The following ATXN2L variants were observed in gnomAD, a reference collection of about 807,000 sequenced individuals.
ATXN2L encodes ataxin-2-like protein.
In ATXN2L, 24 loss-of-function variants were observed where a neutral mutation model predicts 120.7. That is an observed-to-expected ratio of 0.20 (90% CI 0.14 to 0.28). The LOEUF is 0.28. Among genes scored for constraint, ATXN2L ranks in the 10% least tolerant of loss-of-function variants. ATXN2L has a pLI of 1.00. For missense variants in ATXN2L, 1,312 were observed against 1,432.3 expected, an observed-to-expected ratio of 0.92 and a Z score of 1.36; for synonymous variants, 653 against 568.1, an observed-to-expected ratio of 1.15 and a Z score of -2.13.
At position 28,836,634 on chromosome 16, in the gene ATXN2L, ACACACCCC is replaced by A; in HGVS notation, c.*373_*380del. ...CCTTGAGGAGGCCGCTCCTTCCCAG[ACACACCCC>A]CACGCCCCCACTGGACGGCATTGGA... On this transcript the variant is annotated 3_prime_UTR_variant, in exon 22 of 22. Coordinates refer to ENST00000336783, the MANE Select transcript of ATXN2L (RefSeq NM_007245.4). 6.2e-6 allele frequency: 10 copies of A among 1,607,012 alleles called. No individual in the cohort carries two copies. Among genetic ancestry groups the A allele is most frequent in the Middle Eastern group, 3.3e-4 (2 of 6,030 alleles).
Position 28,835,739 on chromosome 16 carries a change from A to G in ATXN2L, c.2876A>G (p.Asn959Ser), listed in dbSNP as rs772679258. ...HHQQLPHGFT[N>S]MAHVTQAHVQ... The stretch of plus-strand genomic sequence containing the variant: ...CAGCAGCTGCCCCACGGCTTCACCA[A>G]CATGGCCCATGTTACCCAGGTAAGA... Residue 959 changes from asparagine (N) to serine (S), a missense_variant, in exon 21 of 22, where the codon AAC (asparagine) becomes AGC (serine). Transcript: ENST00000336783. The G allele has an allele frequency of 2.6e-5, 42 of 1,613,962 alleles. No homozygotes were observed. The highest frequency in any genetic ancestry group is 3.1e-5 in the Non-Finnish European group (37 of 1,179,986).
intron 15 of ATXN2L, 41 bp downstream of exon 15, chr16:28,833,549 G>A (rs1317003414): frequency 1.9e-6 from 3 of 1,599,230 alleles, no homozygotes; most frequent in Non-Finnish European, 2.6e-6. Context: ...GTTTCTGTGG[G>A]GAGACTTGGG....
chr16:28,828,908 T>C (rs1053321516), intron 6 of ATXN2L, among the ~76,000 whole-genome samples: 9 of 152,144 alleles, frequency 5.9e-5, no homozygotes, highest in African/African-American at 1.7e-4. Flanking sequence ...CACGGATGGC[T>C]AATTTTTTAT....
Position 28,833,343 on chromosome 16 carries a change from C to T in ATXN2L, c.1944C>T (p.Gly648=). The T allele has an allele frequency of 6.2e-7, 1 of 1,613,096 alleles. No individual in the cohort carries two copies. Among genetic ancestry groups the T allele is most frequent in the Non-Finnish European group, 8.5e-7 (1 of 1,179,228 alleles). ...TCAAGGGAGAAGACAAAGATGAGGG[C>T]CCTGTTGCTGAGTGAGTGGAGCGGG... ...GLIKGEDKDE[G]PVAEQVKKST... is the part of the protein sequence containing the mutation. Residue 648 remains glycine, a synonymous_variant, in exon 14 of 22, where the codon GGC becomes GGT. Coordinates refer to ENST00000336783, the MANE Select transcript of ATXN2L (RefSeq NM_007245.4).
In ATXN2L at chr16:28,832,561, G is replaced by A. The variant is rs1215911951; in HGVS notation, c.1582G>A (p.Gly528Arg). 3 of 1,614,138 alleles carry A rather than the reference G, an allele frequency of 1.9e-6. No individual in the cohort carries two copies. The highest frequency in any genetic ancestry group is 2.2e-5 in the South Asian group (2 of 91,074). ...LEPQELARIA[G>R]KVPGLQNEQK... ...GCCCCAGGAGCTGGCTCGGATAGCT[G>A]GGAAAGGTGAGGGTGGTTTTTTTTC... is the stretch of plus-strand genomic sequence containing the variant. Residue 528 changes from glycine to arginine, a missense_variant, in exon 12 of 22, where the codon GGG becomes AGG. Transcript: ENST00000336783.
Position 28,836,506 on chromosome 16 carries a change from A to G in ATXN2L, c.*241A>G. ...CCGAGGTAAGGTCAGTGCAGCAGAC[A>G]GGGCCAGACTGGGGTGTGGGGGGCT... On this transcript the variant is annotated 3_prime_UTR_variant, in exon 22 of 22. Transcript: ENST00000336783. The G allele has an allele frequency of 1.9e-6, 3 of 1,603,900 alleles. No homozygotes were observed. The highest frequency in any genetic ancestry group is 2.6e-6 in the Non-Finnish European group (3 of 1,175,294).
intron 4 of ATXN2L, 25 bp from the exon 5 acceptor site, chr16:28,826,215 G>T: frequency 6.2e-7 from 1 of 1,612,410 alleles, no homozygotes; most frequent in Non-Finnish European, 8.5e-7. Context: ...CTGACCCATG[G>T]GTGTGGGGAA....
chr16:28,835,683 C>A lies in ATXN2L; in HGVS notation c.2820C>A (p.Pro940=). Residue 940 remains proline, a synonymous_variant, in exon 21 of 22, where the codon CCC becomes CCA. Transcript: ENST00000336783. ...CCCAGTCCCCTCAGAGCAGCTTCCC[C>A]CAGCCAGCCGCTGTGTATGCCATCC... ...PSAQSPQSSF[P]QPAAVYAIHH... The A allele has an allele frequency of 6.2e-7, 1 of 1,614,110 alleles. No individual in the cohort carries two copies. The highest frequency in any genetic ancestry group is 8.5e-7 in the Non-Finnish European group (1 of 1,179,994).
At chr16:28,832,439 G>C in intron 11 of ATXN2L, 40 bp downstream of exon 11, 1 of 1,612,036 alleles carries the variant, frequency 6.2e-7, no homozygotes, top group Non-Finnish European at 8.5e-7. Flanking sequence ...TGCATATTTA[G>C]TGTGATTTGT....
chr16:28,829,761 G>T, intron 7 of ATXN2L, 97 bp from the exon 8 acceptor site: 2 of 1,304,654 alleles, frequency 1.5e-6, no homozygotes, highest in South Asian at 1.2e-5. Flanking sequence ...ATACTTCCAT[G>T]CCTGAACTGG....
At position 28,829,853 on chromosome 16, in the gene ATXN2L, C is replaced by T; in HGVS notation, c.834-5C>T. On this transcript the variant is annotated splice_polypyrimidine_tract_variant and splice_region_variant and intron_variant, in intron 7 of 21. Coordinates refer to ENST00000336783, the MANE Select transcript of ATXN2L (RefSeq NM_007245.4). ...GATGGTGGTGGTCTGTGGGTGCTGT[C>T]TCAGGGTGCCCTTAGAAAAGGACAA... 6.2e-7 allele frequency: 1 copy of T among 1,614,140 alleles called. No homozygotes were observed. Among genetic ancestry groups the T allele is most frequent in the South Asian group, 1.1e-5 (1 of 91,074 alleles).
intron 1 of ATXN2L, chr16:28,824,469 C>G: frequency 1.6e-6 from 2 of 1,288,036 alleles, no homozygotes; most frequent in Non-Finnish European, 2.0e-6. Context: ...CAGCGGCCCC[C>G]TCTTCGCCCT....
intron 7 of ATXN2L, 159 bp downstream of exon 7, chr16:28,829,651 G>A: frequency 1.3e-6 from 1 of 765,236 alleles, no homozygotes; most frequent in South Asian, 1.8e-5. Context: ...TTCCCTCAAA[G>A]GTTTTAAGCG....
At chr16:28,834,817 G>C in intron 18 of ATXN2L, 124 bp downstream of exon 18, 1 of 1,266,458 alleles carries the variant, frequency 7.9e-7, no homozygotes, top group South Asian at 1.5e-5. Context: ...GCCCTCTGTG[G>C]TATTGGCGGT....
At chr16:28,830,515 T>A in intron 8 of ATXN2L, 100 bp from the exon 9 acceptor site, 1 of 1,181,146 alleles carries the variant, frequency 8.5e-7, no homozygotes, top group Non-Finnish European at 1.2e-6. Context: ...TGTGTGTATG[T>A]TTGGGGGCAG....
intron 15 of ATXN2L, 46 bp from the exon 16 acceptor site, chr16:28,834,019 T>C (rs780516057): frequency 5.0e-6 from 8 of 1,596,210 alleles, no homozygotes. Context: ...TGGCCAGGAG[T>C]AGAGGGGAAA....
chr16:28,828,056 AAT>A (rs1362748922), intron 6 of ATXN2L, among the ~76,000 whole-genome samples: 2 of 152,222 alleles, frequency 1.3e-5, no homozygotes. Context: ...GCTGTTTTCA[AAT>A]ATACACACAC....
At chr16:28,826,192 A>T in intron 4 of ATXN2L, 48 bp from the exon 5 acceptor site, 1 of 1,601,030 alleles carries the variant, frequency 6.2e-7, no homozygotes, top group African/African-American at 1.3e-5. Flanking sequence ...TTTTGCCTTC[A>T]CTTTTCTTGA....
In ATXN2L at chr16:28,836,997, C is replaced by T. The variant is rs1961212355; in HGVS notation, c.*732C>T. On this transcript the variant is annotated 3_prime_UTR_variant, in exon 22 of 22. Transcript: ENST00000336783. ...TTCCTGCTCTGCCCCTGCCCGTCCC[C>T]ACCCAGTCTTGCCCTCCCATCCTCT... The T allele has an allele frequency of 1.5e-6, 1 of 665,460 alleles. No individual in the cohort carries two copies. The highest frequency in any genetic ancestry group is 1.8e-5 in the African/African-American group (1 of 56,000). 41.2% of individuals were successfully genotyped at this position (665,460 alleles called of 1,614,324 possible). A position where few individuals can be genotyped will look rare whatever the true frequency, so the allele number is the denominator to read the frequency against.
Sources: allele counts gnomAD v4.1 joint callset (sites outside exome capture counted in the v4.1 genomes callset), GRCh38; gene constraint gnomAD v4.1.1; transcripts MANE v1.5; gene names NCBI Gene and HGNC (gene_info 2026-07-23, HGNC 2026-07-21).